The following LRBA variants were observed in gnomAD, a reference collection of about 807,000 sequenced individuals.
The protein encoded by LRBA is LPS responsive beige-like anchor protein.
LRBA carries 176 observed loss-of-function variants against 330.0 expected under a neutral mutation model. That is an observed-to-expected ratio of 0.53 (90% CI 0.47 to 0.60). The LOEUF (loss-of-function observed/expected upper bound fraction) is 0.60. LRBA is among the 20% of genes least tolerant of loss of function. The probability of loss-of-function intolerance (pLI) is 0.00; values close to 1 mark genes in which losing one functional copy is unlikely to be tolerated. For missense variants in LRBA, 3,259 were observed against 3,444.8 expected (o/e 0.95, Z 1.35); for synonymous variants, 1,230 against 1,193.0 (o/e 1.03, Z -0.64).
intron 34 of LRBA, among the ~76,000 whole-genome samples, chr4:150,783,044 C>A (rs1186577660): frequency 6.6e-6 from 1 of 152,078 alleles, no homozygotes; most frequent in Admixed American, 6.5e-5. Context: ...AGTATAAAGC[C>A]TATCAGGCTG....
At chr4:150,442,847 C>T (rs545069823) in intron 44 of LRBA, among the ~76,000 whole-genome samples, 1 of 152,124 alleles carries the variant, frequency 6.6e-6, no homozygotes, top group Non-Finnish European at 1.5e-5. Flanking sequence ...AGGATAGATA[C>T]ACTATTAGGA....
At chr4:151,009,622 G>A (rs573684496) in intron 2 of LRBA, among the ~76,000 whole-genome samples, 1 of 152,118 alleles carries the variant, frequency 6.6e-6, no homozygotes, top group Admixed American at 6.5e-5. Flanking sequence ...GACTGAGGCA[G>A]GAGAGCAGCT....
At chr4:150,805,139 A>G (rs1004880535) in intron 33 of LRBA, among the ~76,000 whole-genome samples, 1 of 150,344 alleles carries the variant, frequency 6.7e-6, no homozygotes, top group Non-Finnish European at 1.5e-5. Context: ...ATTCGAAGGC[A>G]CTCACTACAT....
rs186808293 is a variant in LRBA, at chr4:150,570,952, C to T, written c.6330+17096G>A. 7.2e-5 allele frequency among the ~76,000 whole-genome samples: 11 copies of T among 152,202 alleles called. No individual in the cohort carries two copies. In the East Asian group the frequency reaches 2.1e-3, roughly 29 times the overall value. ...AGTCTTTGTTTTAAGACAACTAATG[C>T]TTTTGCTTACTGATGCCTATTACTG... is the stretch of plus-strand genomic sequence containing the variant. On this transcript the variant is annotated intron_variant, in intron 40 of 56. Coordinates refer to ENST00000651943, the MANE Select transcript of LRBA (RefSeq NM_001364905.1).
chr4:150,861,441 CG>C (rs1267074625), intron 22 of LRBA, among the ~76,000 whole-genome samples: 5 of 151,840 alleles, frequency 3.3e-5, no homozygotes, highest in African/African-American at 1.2e-4. Flanking sequence ...ATTGTGTGTA[CG>C]TAAGGTTTAG....
intron 34 of LRBA, among the ~76,000 whole-genome samples, chr4:150,791,862 A>C (rs1578795637): frequency 6.6e-6 from 1 of 151,970 alleles, no homozygotes; most frequent in African/African-American, 2.4e-5. Context: ...CCCCGTCTCT[A>C]CTAAAAATAC....
At chr4:150,565,563 G>A (rs1769019094) in intron 40 of LRBA, among the ~76,000 whole-genome samples, 1 of 151,950 alleles carries the variant, frequency 6.6e-6, no homozygotes, top group Non-Finnish European at 1.5e-5. Flanking sequence ...ACACAACATT[G>A]TAGAATAGAT....
At chr4:150,430,843 CTTCT>C (rs921585357) in intron 46 of LRBA, among the ~76,000 whole-genome samples, 4 of 152,106 alleles carry the variant, frequency 2.6e-5, no homozygotes, top group Non-Finnish European at 5.9e-5. Flanking sequence ...TTTATGATTC[CTTCT>C]ATGTTCTAGT....
At chr4:150,736,239 T>C (rs149360263) in intron 35 of LRBA, among the ~76,000 whole-genome samples, 10 of 152,214 alleles carry the variant, frequency 6.6e-5, no homozygotes, top group African/African-American at 2.2e-4. Flanking sequence ...GAAGATAATA[T>C]CATAGAGACT....
chr4:150,547,445 C>T (rs900949472), intron 40 of LRBA, among the ~76,000 whole-genome samples: 1 of 152,132 alleles, frequency 6.6e-6, no homozygotes, highest in African/African-American at 2.4e-5. Flanking sequence ...GTTAAAGAAT[C>T]TGAAGTATTG....
chr4:150,869,636 G>A (rs964831198), intron 20 of LRBA, among the ~76,000 whole-genome samples: 5 of 152,122 alleles, frequency 3.3e-5, no homozygotes, highest in Non-Finnish European at 4.4e-5. Flanking sequence ...TACAGTGGCT[G>A]AGATCCTGGC....
chr4:150,622,688 CTTTTTTTTTT>C (rs10528461), intron 37 of LRBA, among the ~76,000 whole-genome samples: 73,972 of 105,796 alleles, frequency 0.7, 28,467 homozygotes, highest in Non-Finnish European at 0.84. Context: ...CTAAATCAAT[CTTTTTTTTTT>C]TTTTTTTTTT....
chr4:150,462,083 A>G (rs1372913336), intron 44 of LRBA, among the ~76,000 whole-genome samples: 2 of 151,834 alleles, frequency 1.3e-5, no homozygotes, highest in East Asian at 3.9e-4. Flanking sequence ...AGAAATGTCA[A>G]AAAGAAAATG....
chr4:150,924,004 T>C (rs1249544013), intron 4 of LRBA, among the ~76,000 whole-genome samples: 1 of 152,196 alleles, frequency 6.6e-6, no homozygotes, highest in Non-Finnish European at 1.5e-5. Context: ...CACAGTGATT[T>C]TTTAAAATAA....
rs145552100 is a variant in LRBA at position 150,491,871 on chromosome 4, A to G, written c.6331-836T>C. 2.5e-3 allele frequency among the ~76,000 whole-genome samples: 383 copies of G among 152,308 alleles called. 2 individuals carry two copies. The highest frequency in any genetic ancestry group is 4.1e-3 in the Non-Finnish European group (282 of 67,990). On this transcript the variant is annotated intron_variant, in intron 40 of 56. Coordinates refer to ENST00000651943, the MANE Select transcript of LRBA (RefSeq NM_001364905.1). The stretch of plus-strand genomic sequence containing the variant: ...ACCAGACTCAGCATTTCTCTACACC[A>G]GTACTATACATAATACATAAGAAAA...
intron 44 of LRBA, among the ~76,000 whole-genome samples, chr4:150,441,577 C>T (rs1333979037): frequency 6.6e-6 from 1 of 151,768 alleles, no homozygotes; most frequent in East Asian, 1.9e-4. Context: ...GGAACTCTTA[C>T]CTGAAGTTAT....
intron 40 of LRBA, among the ~76,000 whole-genome samples, chr4:150,573,701 T>C (rs942727723): frequency 1.3e-5 from 2 of 152,184 alleles, no homozygotes; most frequent in African/African-American, 4.8e-5. Context: ...TACTCTGATA[T>C]AGCATCTTTT....
intron 47 of LRBA, among the ~76,000 whole-genome samples, chr4:150,397,097 T>C (rs1744835939): frequency 1.3e-5 from 2 of 152,296 alleles, no homozygotes; most frequent in Admixed American, 1.3e-4. Flanking sequence ...TTTTATTACA[T>C]TGAGATATCA....
rs375801483 is a variant in LRBA at position 150,875,158 on chromosome 4, G to T, written c.2166-2403C>A. 3.3e-5 allele frequency among the ~76,000 whole-genome samples: 5 copies of T among 152,148 alleles called. No individual in the cohort carries two copies. In the East Asian group the frequency reaches 9.6e-4, roughly 29 times the overall value. On this transcript the variant is annotated intron_variant, in intron 17 of 56. Coordinates refer to ENST00000651943, the MANE Select transcript of LRBA (RefSeq NM_001364905.1). ...CCTATGTAGAGATCCTGGTACAGGGGGCCCTCTCTGTTTCACACCCAAGCC... is the reference window on the plus strand; with the variant it reads ...CCTATGTAGAGATCCTGGTACAGGGTGCCCTCTCTGTTTCACACCCAAGCC...
Sources: gnomAD v4.1 joint callset for allele counts (sites outside exome capture counted in the v4.1 genomes callset) on GRCh38, gnomAD v4.1.1 for gene constraint, MANE v1.5 for transcripts, NCBI Gene and HGNC (gene_info 2026-07-23, HGNC 2026-07-21) for gene names.